CLPX: variants seen among roughly 807,000 people sequenced by gnomAD.
CLPX encodes ATP-dependent clpX-like chaperone, mitochondrial.
Under a neutral mutation model 76.4 loss-of-function variants are expected in CLPX, and 34 were observed. The ratio of observed to expected loss-of-function variants is 0.45; its 90% CI spans 0.34 to 0.59. The LOEUF (loss-of-function observed/expected upper bound fraction) is 0.59. CLPX is among the 20% of genes least tolerant of loss of function. The pLI is 0.01. For synonymous variants in CLPX, 248 were observed against 270.9 expected, an observed-to-expected ratio of 0.92 and a Z score of 0.83; for missense variants, 613 against 757.0, an observed-to-expected ratio of 0.81 and a Z score of 2.23.
chr15:65,173,365 CA>C (rs35763100), intron 3 of CLPX, among the ~76,000 whole-genome samples: 1,256 of 52,204 alleles, frequency 0.024, 5 homozygotes, highest in South Asian at 0.038. Context: ...GACTCTGTCT[CA>C]AAAAAAAAAA....
chr15:65,168,939 C>T (rs1595942740), intron 3 of CLPX, among the ~76,000 whole-genome samples: 1 of 151,142 alleles, frequency 6.6e-6, no homozygotes, highest in African/African-American at 2.4e-5. Context: ...TCACTGCAGT[C>T]TTGACCTCCT....
chr15:65,160,619 T>TCACACA (rs1241366233), intron 6 of CLPX, among the ~76,000 whole-genome samples: 1 of 132,736 alleles, frequency 7.5e-6, no homozygotes, highest in African/African-American at 3.2e-5. Context: ...TCTCTCTCTC[T>TCACACA]CTCTCACACA....
intron 3 of CLPX, among the ~76,000 whole-genome samples, chr15:65,171,722 T>C (rs1475569652): frequency 1.3e-5 from 2 of 152,224 alleles, no homozygotes; most frequent in African/African-American, 2.4e-5. Flanking sequence ...GCCGCTGATC[T>C]AGTTCAGGCA....
chr15:65,176,665 G>A (rs1449510539), intron 3 of CLPX, among the ~76,000 whole-genome samples: 2 of 147,046 alleles, frequency 1.4e-5, no homozygotes, highest in East Asian at 2.0e-4. Context: ...GTGTGATCTC[G>A]GCTCACTGCA....
chr15:65,181,933 C>G (rs1378079230), intron 1 of CLPX, among the ~76,000 whole-genome samples: 1 of 151,480 alleles, frequency 6.6e-6, no homozygotes, highest in Non-Finnish European at 1.5e-5. Flanking sequence ...ACCATCCTGG[C>G]TAATACGGTG....
intron 3 of CLPX, among the ~76,000 whole-genome samples, chr15:65,172,505 C>T (rs962692557): frequency 5.3e-5 from 8 of 151,974 alleles, no homozygotes; most frequent in Non-Finnish European, 1.0e-4. Context: ...TGTTGGCAGG[C>T]GCCTGTAATC....
At chr15:65,182,450 C>A (rs1482138203) in intron 1 of CLPX, among the ~76,000 whole-genome samples, 1 of 152,106 alleles carries the variant, frequency 6.6e-6, no homozygotes, top group Non-Finnish European at 1.5e-5. Context: ...TAAGATCTAA[C>A]AGCTTTTTAA....
At chr15:65,172,957 G>C (rs1000717454) in intron 3 of CLPX, among the ~76,000 whole-genome samples, 8 of 152,192 alleles carry the variant, frequency 5.3e-5, no homozygotes, top group African/African-American at 1.9e-4. Flanking sequence ...TGAGGCTACT[G>C]TCAGCTATGA....
intron 3 of CLPX, among the ~76,000 whole-genome samples, chr15:65,176,859 T>C (rs991699278): frequency 1.3e-5 from 2 of 152,032 alleles, no homozygotes; most frequent in African/African-American, 4.8e-5. Flanking sequence ...CCTCCCATAG[T>C]GCTGGGATTA....
intron 4 of CLPX, among the ~76,000 whole-genome samples, chr15:65,165,621 ATGATC>A (rs765369464): frequency 3.5e-4 from 53 of 151,552 alleles, no homozygotes; most frequent in Non-Finnish European, 6.8e-4. Context: ...TCCTGACCTC[ATGATC>A]CGCCCGCCTC....
At chr15:65,151,344 C>CAAAAAAAAAAAAAAAAA (rs571760722) in intron 13 of CLPX, among the ~76,000 whole-genome samples, 1 of 59,300 alleles carries the variant, frequency 1.7e-5, no homozygotes, top group African/African-American at 6.6e-5. Context: ...GACTGAGTCT[C>CAAAAAAAAAAAAAAAAA]AAAAAAAAAA....
intron 5 of CLPX, 86 bp downstream of exon 5, chr15:65,163,943 A>G: frequency 7.9e-7 from 1 of 1,273,226 alleles, no homozygotes; most frequent in Non-Finnish European, 1.1e-6. Context: ...TATAAAAAAC[A>G]TTTTAAGAAG....
chr15:65,158,366 G>A (rs2087815729), intron 7 of CLPX: 2 of 455,938 alleles, frequency 4.4e-6, no homozygotes, highest in South Asian at 5.0e-5. Flanking sequence ...TTATTCCTGT[G>A]AAGATGTTAG....
At chr15:65,181,686 T>C (rs946352102) in intron 1 of CLPX, among the ~76,000 whole-genome samples, 1 of 151,474 alleles carries the variant, frequency 6.6e-6, no homozygotes, top group African/African-American at 2.4e-5. Flanking sequence ...GAGGCAGAGG[T>C]TGCAGTGAGC....
chr15:65,178,877 C>T, intron 3 of CLPX, 57 bp downstream of exon 3: 1 of 957,400 alleles, frequency 1.0e-6, no homozygotes, highest in Non-Finnish European at 1.6e-6. Flanking sequence ...TTTTTATACA[C>T]TTAGTAATTT....
intron 3 of CLPX, among the ~76,000 whole-genome samples, chr15:65,176,791 C>T (rs2088096575): frequency 1.3e-5 from 2 of 151,778 alleles, no homozygotes; most frequent in Admixed American, 1.3e-4. Flanking sequence ...GACGGGGTTT[C>T]ACCACGTTGG....
intron 12 of CLPX, 25 bp downstream of exon 12, chr15:65,153,522 T>C (rs753638624): frequency 4.9e-6 from 7 of 1,423,804 alleles, no homozygotes; most frequent in South Asian, 1.2e-5. Context: ...GAAATAATTG[T>C]TTTTATAGAA....
At chr15:65,174,100 G>C (rs917715855) in intron 3 of CLPX, among the ~76,000 whole-genome samples, 5 of 149,708 alleles carry the variant, frequency 3.3e-5, no homozygotes, top group Admixed American at 1.3e-4. Flanking sequence ...TCAGCCTCCT[G>C]AGTAGTTGGG....
At chr15:65,166,596 T>A in intron 4 of CLPX, 35 bp downstream of exon 4, 2 of 1,604,180 alleles carry the variant, frequency 1.2e-6, no homozygotes, top group Non-Finnish European at 1.7e-6. Context: ...GTTTTCAAGA[T>A]AAAATACTTG....
Sources: allele counts gnomAD v4.1 joint callset (sites outside exome capture counted in the v4.1 genomes callset), GRCh38; gene constraint gnomAD v4.1.1; transcripts MANE v1.5; gene names NCBI Gene and HGNC (gene_info 2026-07-23, HGNC 2026-07-21).